The following NIBAN3 variants were observed in gnomAD, a reference collection of about 807,000 sequenced individuals.
NIBAN3 encodes protein Niban 3.
Under a neutral mutation model 76.4 loss-of-function variants are expected in NIBAN3, and 66 were observed. The observed-to-expected ratio is 0.86, with a 90% CI of 0.71 to 1.06. The LOEUF (loss-of-function observed/expected upper bound fraction) is 1.06, where lower values mean the gene tolerates loss of function less well. Among genes scored for constraint, NIBAN3 ranks in the 50% least tolerant of loss-of-function variants. The pLI is 0.00. For synonymous variants in NIBAN3, 360 were observed against 355.2 expected (o/e 1.01, Z -0.15); for missense variants, 808 against 810.7 (o/e 1.00, Z 0.04).
In NIBAN3 at chr19:17,540,718, G is replaced by C. The variant is rs1021911721; in HGVS notation, c.1170+136G>C. ...TGGACCCATCACCATGCTATGGTCAGTGGAGCACAGTTTTTGTTTGTTTTT... is the reference window on the plus strand; with the variant it reads ...TGGACCCATCACCATGCTATGGTCACTGGAGCACAGTTTTTGTTTGTTTTT... On this transcript the variant is annotated intron_variant, in intron 9 of 14. Coordinates refer to ENST00000599164, the MANE Select transcript of NIBAN3 (RefSeq NM_001321827.2). 2.1e-4 allele frequency: 123 copies of C among 599,342 alleles called. 1 individual carries two copies. Among genetic ancestry groups the C allele is most frequent in the Middle Eastern group, 6.1e-4 (2 of 3,294 alleles). 37.1% of individuals were successfully genotyped at this position (599,342 alleles called of 1,614,324 possible).
At chr19:17,547,277 C>G (rs2076073609) in intron 13 of NIBAN3, among the ~76,000 whole-genome samples, 1 of 149,026 alleles carries the variant, frequency 6.7e-6, no homozygotes, top group African/African-American at 2.5e-5. Flanking sequence ...TCGCTTGAAC[C>G]CAGGAGGCGG....
rs756685544 is a variant in NIBAN3, at chr19:17,533,633, G to T, written c.359G>T (p.Gly120Val). ...TGCCTTGGCTCAACAGCCCTGACAGGATACACGCTCCTGACTTCCCAGCGA... is the reference window on the plus strand; with the variant it reads ...TGCCTTGGCTCAACAGCCCTGACAGTATACACGCTCCTGACTTCCCAGCGA... ...GHCLGSTALT[G>V]YTLLTSQREY... The change falls in exon 4 of 15, where the codon GGA becomes GTA. Residue 120 changes from glycine to valine, a missense_variant. Transcript: ENST00000599164. The T allele has an allele frequency of 2.5e-6, 4 of 1,614,010 alleles. No individual in the cohort carries two copies. In the African/African-American group the frequency reaches 5.3e-5, roughly 22 times the overall value.
intron 9 of NIBAN3, among the ~76,000 whole-genome samples, chr19:17,541,003 T>G (rs531902828): frequency 1.3e-5 from 2 of 152,272 alleles, no homozygotes; most frequent in South Asian, 2.1e-4. Context: ...CCCAAAGTGC[T>G]GGGATTACAG....
At chr19:17,549,971 C>T (rs1409928468) in intron 14 of NIBAN3, among the ~76,000 whole-genome samples, 1 of 152,090 alleles carries the variant, frequency 6.6e-6, no homozygotes, top group Non-Finnish European at 1.5e-5. Context: ...CGGCACATGC[C>T]ACCATGCCCA....
In NIBAN3 at chr19:17,530,896, TG is replaced by T. The variant is rs535320062; in HGVS notation, c.186+16del. 257 of 1,611,804 alleles carry T rather than the reference TG, an allele frequency of 1.6e-4. 10 individuals are homozygous for T. In the South Asian group the frequency reaches 2.8e-3, roughly 17 times the overall value. On this transcript the variant is annotated intron_variant, in intron 2 of 14. Coordinates refer to ENST00000599164, the MANE Select transcript of NIBAN3 (RefSeq NM_001321827.2). ...TTGCTACGCAGCAAAGTGGGTGTTG[TG>T]GGGGCAGAGGACGTTTGAGTGTTAG...
At chr19:17,523,385 T>A, upstream of NIBAN3, 1 of 1,519,424 alleles carries the variant, frequency 6.6e-7, no homozygotes, top group South Asian at 1.2e-5. Context: ...AAGTGAAGTT[T>A]GCTTCAACGT....
At chr19:17,532,217 C>A in intron 2 of NIBAN3, 46 bp from the exon 3 acceptor site, 1 of 1,571,124 alleles carries the variant, frequency 6.4e-7, no homozygotes, top group South Asian at 1.2e-5. Flanking sequence ...GCCACAGGGA[C>A]ATCAGCCCAC....
chr19:17,532,486 C>T (rs2075748164), intron 3 of NIBAN3, 98 bp downstream of exon 3: 1 of 1,557,586 alleles, frequency 6.4e-7, no homozygotes. Context: ...CATAGCCCCA[C>T]CTCTATCAAT....
chr19:17,527,406 G>A lies in NIBAN3; in HGVS notation c.55+11G>A, dbSNP rs750617589. On this transcript the variant is annotated intron_variant, in intron 1 of 14. Coordinates refer to ENST00000599164, the MANE Select transcript of NIBAN3 (RefSeq NM_001321827.2). ...GGCAGCACCTAAGGGGTGAGCAGCC[G>A]GGGAGGGGACAGGGTGGGAGTCCAG... The A allele has an allele frequency of 1.6e-5, 25 of 1,516,738 alleles. No homozygotes were observed. Among genetic ancestry groups the A allele is most frequent in the South Asian group, 7.7e-5 (6 of 78,390 alleles). The allele number at this position is 1,516,738 out of a possible 1,614,324, so 94.0% of individuals were successfully genotyped here.
At chr19:17,554,519 C>T (rs1055926968), downstream of NIBAN3, among the ~76,000 whole-genome samples, 3 of 151,620 alleles carry the variant, frequency 2.0e-5, no homozygotes, top group Non-Finnish European at 2.9e-5. Flanking sequence ...CGCGGTGGCT[C>T]ACGCCTGTAA....
chr19:17,529,177 G>A (rs114491348), intron 1 of NIBAN3, among the ~76,000 whole-genome samples: 1 of 152,192 alleles, frequency 6.6e-6, no homozygotes, highest in Non-Finnish European at 1.5e-5. Context: ...ATGTAAAATG[G>A]GGATAGCAAC....
At chr19:17,535,258 G>A (rs886624315) in intron 4 of NIBAN3, among the ~76,000 whole-genome samples, 3 of 152,114 alleles carry the variant, frequency 2.0e-5, no homozygotes, top group Admixed American at 1.3e-4. Flanking sequence ...GGGTAACATA[G>A]TGAGACCCCC....
chr19:17,547,010 G>C (rs1334640771), intron 13 of NIBAN3, among the ~76,000 whole-genome samples: 1 of 152,152 alleles, frequency 6.6e-6, no homozygotes, highest in Non-Finnish European at 1.5e-5. Context: ...GGGGCTGTGA[G>C]GGATGTATAG....
rs779124341 is a variant in NIBAN3, at chr19:17,551,858, C to T, written c.1823C>T (p.Pro608Leu). The part of the protein sequence containing the change: ...RQPDSGAQIQ[P>L]LCPPPSPGTF... ...CCAGACTCTGGTGCCCAGATCCAGCCACTCTGCCCACCGCCTTCTCCAGGA... is the reference window on the plus strand; with the variant it reads ...CCAGACTCTGGTGCCCAGATCCAGCTACTCTGCCCACCGCCTTCTCCAGGA... Residue 608 changes from proline (P) to leucine (L), a missense_variant, in exon 15 of 15, where the codon CCA (proline) becomes CTA (leucine). Pro to Leu is a moderately conservative substitution (Grantham distance 98). Transcript: ENST00000599164. 5.1e-6 allele frequency: 4 copies of T among 780,132 alleles called. No homozygotes were observed. The highest frequency in any genetic ancestry group is 9.6e-6 in the Non-Finnish European group (4 of 417,546). 48.3% of individuals were successfully genotyped at this position (780,132 alleles called of 1,614,324 possible). A position where few individuals can be genotyped will look rare whatever the true frequency, so the allele number is the denominator to read the frequency against.
chr19:17,526,117 G>T (rs1212304788), upstream of NIBAN3, among the ~76,000 whole-genome samples: 9 of 151,962 alleles, frequency 5.9e-5, no homozygotes, highest in South Asian at 2.1e-4. Flanking sequence ...TTTGAGACAA[G>T]CCTGGCCAAC....
chr19:17,537,309 G>A, intron 4 of NIBAN3, 67 bp from the exon 5 acceptor site: 1 of 1,482,888 alleles, frequency 6.7e-7, no homozygotes, highest in Non-Finnish European at 9.3e-7. Flanking sequence ...ACTGCTGTAT[G>A]CATTTCAGGG....
At chr19:17,532,811 G>A (rs965840884) in intron 3 of NIBAN3, among the ~76,000 whole-genome samples, 2 of 152,074 alleles carry the variant, frequency 1.3e-5, no homozygotes, top group Admixed American at 6.6e-5. Context: ...ACTTGGGACC[G>A]GACCGGCACG....
chr19:17,543,576 G>A lies in NIBAN3; in HGVS notation c.1499G>A (p.Gly500Asp). 1 of 1,614,148 alleles carries A rather than the reference G, an allele frequency of 6.2e-7. No individual in the cohort carries two copies. Among genetic ancestry groups the A allele is most frequent in the Non-Finnish European group, 8.5e-7 (1 of 1,180,028 alleles). ...CAGAGGAGGTTCATCCGAGGCTGGGGTCTCTGCATCTTTTTACCTTTTGTG... is the reference window on the plus strand; with the variant it reads ...CAGAGGAGGTTCATCCGAGGCTGGGATCTCTGCATCTTTTTACCTTTTGTG... Reference protein sequence around the residue: ...LAQRRFIRGWGLCIFLPFVLS... With the variant: ...LAQRRFIRGWDLCIFLPFVLS... Residue 500 changes from glycine to aspartate, a missense_variant, in exon 12 of 15, where the codon GGT becomes GAT. Coordinates refer to ENST00000599164, the MANE Select transcript of NIBAN3 (RefSeq NM_001321827.2).
chr19:17,551,389 C>T (rs4808087), intron 14 of NIBAN3, among the ~76,000 whole-genome samples: 132,516 of 151,904 alleles, frequency 0.87, 58,139 homozygotes, highest in Middle Eastern at 0.97. Flanking sequence ...GCCACTGCAC[C>T]CGGCCTACAT....
Sources: gnomAD v4.1 joint callset for allele counts (sites outside exome capture counted in the v4.1 genomes callset) on GRCh38, gnomAD v4.1.1 for gene constraint, MANE v1.5 for transcripts, NCBI Gene and HGNC (gene_info 2026-07-23, HGNC 2026-07-21) for gene names.